Variants in SPEF2 observed in about 807,000 individuals in gnomAD.
The protein encoded by SPEF2 is sperm flagella and cilia-associated protein 2.
Under a neutral mutation model 224.6 loss-of-function variants are expected in SPEF2, and 187 were observed. The observed-to-expected ratio is 0.83, with a 90% CI of 0.74 to 0.94. SPEF2 has a LOEUF of 0.94. Ranked by LOEUF, SPEF2 falls within the 40% of genes least tolerant of loss-of-function variation. The pLI, the probability that SPEF2 is intolerant of heterozygous loss-of-function variation, is 0.00. For synonymous variants in SPEF2, 715 were observed against 707.3 expected, an observed-to-expected ratio of 1.01 and a Z score of -0.17; for missense variants, 2,170 against 2,135.6, an observed-to-expected ratio of 1.02 and a Z score of -0.32.
chr5:35,661,254 T>TATA (rs1236088007), intron 8 of SPEF2, among the ~76,000 whole-genome samples: 1 of 93,996 alleles, frequency 1.1e-5, no homozygotes, highest in Non-Finnish European at 2.2e-5. Context: ...TTGGTATATA[T>TATA]TATATATATA....
intron 24 of SPEF2, among the ~76,000 whole-genome samples, chr5:35,754,618 A>G (rs1202068821): frequency 2.6e-5 from 4 of 152,238 alleles, no homozygotes; most frequent in Admixed American, 6.5e-5. Context: ...TGAGAAAGAC[A>G]TTCTTTCCTG....
rs1424345999 is a variant in SPEF2, at chr5:35,753,702, G to C, written c.3409G>C (p.Glu1137Gln). 1.2e-6 allele frequency: 2 copies of C among 1,614,004 alleles called. No homozygotes were observed. The highest frequency in any genetic ancestry group is 1.7e-6 in the Non-Finnish European group (2 of 1,180,014). Residue 1137 changes from glutamate (E) to glutamine (Q), a missense_variant, in exon 24 of 37, where the codon GAG (glutamate) becomes CAG (glutamine). By Grantham distance (29) the Glu-to-Gln change is conservative. Transcript: ENST00000356031. Reference protein sequence around the residue: ...AEQERLDIINESWLQDTLGMT... With the variant: ...AEQERLDIINQSWLQDTLGMT... ...GCAGGAGCGGCTTGACATCATTAAT[G>C]AGAGCTGGTTACAGGACACTCTTGG...
intron 8 of SPEF2, among the ~76,000 whole-genome samples, chr5:35,662,626 A>G (rs971211212): frequency 5.3e-5 from 8 of 152,202 alleles, no homozygotes; most frequent in African/African-American, 1.9e-4. Context: ...GGAGGGGTCC[A>G]GTTTCTATCT....
chr5:35,726,821 T>G (rs1051824043), intron 20 of SPEF2, among the ~76,000 whole-genome samples: 4 of 152,174 alleles, frequency 2.6e-5, no homozygotes, highest in Non-Finnish European at 5.9e-5. Context: ...TCAGGGAATA[T>G]TAGTGCTCTC....
intron 18 of SPEF2, among the ~76,000 whole-genome samples, chr5:35,707,325 TG>T (rs1175202752): frequency 6.6e-6 from 1 of 152,154 alleles, no homozygotes; most frequent in African/African-American, 2.4e-5. Flanking sequence ...TACTTGATGA[TG>T]GGGAAGGAGA....
chr5:35,704,513 G>T, intron 16 of SPEF2, 41 bp from the exon 17 acceptor site: 1 of 1,396,838 alleles, frequency 7.2e-7, no homozygotes, highest in South Asian at 1.2e-5. Flanking sequence ...TAGCAACTTT[G>T]GTTTTGAAAA....
intron 2 of SPEF2, among the ~76,000 whole-genome samples, chr5:35,632,126 C>G (rs1310946401): frequency 6.6e-6 from 1 of 152,180 alleles, no homozygotes; most frequent in African/African-American, 2.4e-5. Flanking sequence ...AAAGTCACTT[C>G]CACATTTTCG....
At chr5:35,639,005 C>T (rs286444) in intron 2 of SPEF2, among the ~76,000 whole-genome samples, 20,470 of 152,098 alleles carry the variant, frequency 0.13, 2,688 homozygotes, top group African/African-American at 0.34. Flanking sequence ...GAAAAAGGGT[C>T]CCCATCTGGC....
chr5:35,708,604 G>GCCATCACCACCTCCACCACCATCACCACC (rs1561235874), intron 18 of SPEF2, among the ~76,000 whole-genome samples: 12 of 10,120 alleles, frequency 1.2e-3, no homozygotes, highest in South Asian at 2.3e-3. Context: ...CCCCACCACA[G>GCCATCACCACCTCCACCACCATCACCACC]ACTTCACCAC....
intron 21 of SPEF2, among the ~76,000 whole-genome samples, chr5:35,736,720 A>G (rs929130217): frequency 3.3e-5 from 5 of 152,182 alleles, no homozygotes; most frequent in Admixed American, 2.6e-4. Flanking sequence ...TCCCATCAAG[A>G]GTTTTACAAA....
intron 8 of SPEF2, among the ~76,000 whole-genome samples, chr5:35,663,902 G>C (rs1182641733): frequency 2.0e-5 from 3 of 152,090 alleles, no homozygotes; most frequent in Admixed American, 6.5e-5. Flanking sequence ...CAGTGGCACA[G>C]GAAACTTTGG....
intron 30 of SPEF2, chr5:35,789,390 T>C (rs1324018908): frequency 1.4e-6 from 1 of 702,792 alleles, no homozygotes; most frequent in Non-Finnish European, 2.6e-6. Flanking sequence ...GAGGTTGGGA[T>C]GATCTGAGGT....
intron 6 of SPEF2, among the ~76,000 whole-genome samples, chr5:35,649,756 C>G (rs1409606988): frequency 6.6e-6 from 1 of 152,154 alleles, no homozygotes; most frequent in African/African-American, 2.4e-5. Context: ...CACAGTAAAT[C>G]CTTTATTAGA....
At chr5:35,788,610 T>C (rs1331202540) in intron 30 of SPEF2, 1 of 702,948 alleles carries the variant, frequency 1.4e-6, no homozygotes, top group African/African-American at 1.7e-5. Flanking sequence ...GAGAAAACTC[T>C]AGAGATAAAT....
chr5:35,773,945 A>C lies in SPEF2; in HGVS notation c.4002A>C (p.Glu1334Asp). Residue 1334 changes from glutamate (E) to aspartate (D), a missense_variant, in exon 28 of 37, where the codon GAA (glutamate) becomes GAC (aspartate). By Grantham distance (45) the Glu-to-Asp change is conservative. Coordinates refer to ENST00000356031, the MANE Select transcript of SPEF2 (RefSeq NM_024867.4). ...CTCCTGTCATAGTAACAACAGAGGA[A>C]ATTGCTGAAATCAAAAGGAAAAATG... ...EATPVIVTTE[E>D]IAEIKRKNEL... 6.2e-7 allele frequency: 1 copy of C among 1,613,438 alleles called. No homozygotes were observed. Among genetic ancestry groups the C allele is most frequent in the Non-Finnish European group, 8.5e-7 (1 of 1,179,602 alleles).
At chr5:35,789,160 A>G in intron 30 of SPEF2, 1 of 703,014 alleles carries the variant, frequency 1.4e-6, no homozygotes, top group Non-Finnish European at 2.6e-6. Context: ...TGTTACAGGC[A>G]GGCAGAGGCA....
intron 10 of SPEF2, among the ~76,000 whole-genome samples, chr5:35,679,705 C>T (rs1164525822): frequency 6.6e-6 from 1 of 152,194 alleles, no homozygotes; most frequent in African/African-American, 2.4e-5. Context: ...CTTCCCCACT[C>T]CAGGACTCAG....
intron 27 of SPEF2, among the ~76,000 whole-genome samples, chr5:35,773,022 A>C (rs1250768235): frequency 6.6e-6 from 1 of 152,184 alleles, no homozygotes; most frequent in African/African-American, 2.4e-5. Flanking sequence ...GTACTGACAA[A>C]TTTATATTTT....
rs781665020 is a variant in SPEF2, at chr5:35,795,683, C to T, written c.4738-20C>T. On this transcript the variant is annotated intron_variant, in intron 32 of 36. Transcript: ENST00000356031. The stretch of plus-strand genomic sequence containing the variant: ...GCAAAATACATACTTTAACAATTTT[C>T]ATTTTTATTTTTTATGTAGGCTGGT... 7 of 1,601,992 alleles carry T rather than the reference C, an allele frequency of 4.4e-6. No homozygotes were observed. Among genetic ancestry groups the T allele is most frequent in the Non-Finnish European group, 6.0e-6 (7 of 1,173,480 alleles).
Sources: allele counts gnomAD v4.1 joint callset (sites outside exome capture counted in the v4.1 genomes callset), GRCh38; gene constraint gnomAD v4.1.1; transcripts MANE v1.5; gene names NCBI Gene and HGNC (gene_info 2026-07-23, HGNC 2026-07-21).